The following APOBEC3D variants were observed in gnomAD, a reference collection of about 807,000 sequenced individuals.
The protein encoded by APOBEC3D is DNA dC->dU-editing enzyme APOBEC-3D.
A neutral mutation model predicts 45.6 loss-of-function variants in APOBEC3D; 37 were observed. The ratio of observed to expected loss-of-function variants is 0.81; its 90% CI spans 0.62 to 1.07. The LOEUF (loss-of-function observed/expected upper bound fraction) is 1.07. Among genes scored for constraint, APOBEC3D ranks in the 50% least tolerant of loss-of-function variants. The pLI is 0.00. For missense variants in APOBEC3D, 496 were observed against 495.3 expected, an observed-to-expected ratio of 1.00 and a Z score of -0.01; for synonymous variants, 175 against 180.7, an observed-to-expected ratio of 0.97 and a Z score of 0.25.
chr22:39,022,482 T>C (rs1260447132), intron 1 of APOBEC3D, among the ~76,000 whole-genome samples: 1 of 152,262 alleles, frequency 6.6e-6, no homozygotes, highest in African/African-American at 2.4e-5. Flanking sequence ...GCTGAAAGGT[T>C]AAAAGCTATC....
At chr22:39,031,145 A>T (rs5757431) in intron 5 of APOBEC3D, among the ~76,000 whole-genome samples, 71,672 of 151,876 alleles carry the variant, frequency 0.47, 17,931 homozygotes, top group East Asian at 0.68. Context: ...CCGCCTGTGC[A>T]ACAGAGCAAG....
intron 1 of APOBEC3D, among the ~76,000 whole-genome samples, chr22:39,021,998 G>A (rs1925162061): frequency 6.6e-6 from 1 of 152,202 alleles, no homozygotes; most frequent in South Asian, 2.1e-4. Flanking sequence ...GGTCTCTGAA[G>A]CACAAGATAA....
chr22:39,029,553 G>T, intron 5 of APOBEC3D, 34 bp downstream of exon 5: 1 of 1,611,782 alleles, frequency 6.2e-7, no homozygotes, highest in East Asian at 2.2e-5. Flanking sequence ...CCCTAAATAG[G>T]AGCTAAGCAG....
chr22:39,032,065 C>A, intron 6 of APOBEC3D, 92 bp downstream of exon 6: 1 of 1,588,340 alleles, frequency 6.3e-7, no homozygotes, highest in Non-Finnish European at 8.6e-7. Flanking sequence ...GCAGTGTCCC[C>A]GGGAAGCCTG....
intron 4 of APOBEC3D, among the ~76,000 whole-genome samples, chr22:39,027,770 T>C (rs1925821047): frequency 6.6e-6 from 1 of 152,138 alleles, no homozygotes; most frequent in Non-Finnish European, 1.5e-5. Flanking sequence ...GTTCCTCTGC[T>C]GCTCCCACTA....
chr22:39,031,874 T>C lies in APOBEC3D; in HGVS notation c.943T>C (p.Phe315Leu). The C allele has an allele frequency of 6.2e-7, 1 of 1,614,198 alleles. No individual in the cohort carries two copies. The highest frequency in any genetic ancestry group is 8.5e-7 in the Non-Finnish European group (1 of 1,180,032). The change falls in exon 6 of 7, where the codon TTC becomes CTC. Residue 315 changes from phenylalanine (F) to leucine (L), a missense_variant. Physicochemically the swap from Phe to Leu is conservative, Grantham distance 22. Coordinates refer to ENST00000216099, the MANE Select transcript of APOBEC3D (RefSeq NM_152426.4). ...ARHSNVNLTI[F>L]TARLCYFWDT... is the part of the protein sequence containing the mutation. The stretch of plus-strand genomic sequence containing the variant: ...GCACAGCAACGTGAATCTCACCATC[T>C]TCACCGCCCGCCTCTGCTACTTCTG...
At chr22:39,028,315 G>A (rs186508320) in intron 4 of APOBEC3D, among the ~76,000 whole-genome samples, 5 of 152,322 alleles carry the variant, frequency 3.3e-5, no homozygotes, top group Admixed American at 2.0e-4. Flanking sequence ...GCTCCCCACC[G>A]CAGGGCCTGC....
chr22:39,032,156 G>A (rs1464394676), intron 6 of APOBEC3D, 42 bp from the exon 7 acceptor site: 2 of 1,607,162 alleles, frequency 1.2e-6, no homozygotes, highest in Admixed American at 1.7e-5. Flanking sequence ...CGGGAGAGAG[G>A]CTTGCTGGGC....
At chr22:39,030,852 A>T (rs1010474391) in intron 5 of APOBEC3D, among the ~76,000 whole-genome samples, 2 of 152,226 alleles carry the variant, frequency 1.3e-5, no homozygotes, top group Admixed American at 1.3e-4. Context: ...ACTCAATAAA[A>T]TAAAGAAGGA....
intron 3 of APOBEC3D, 69 bp from the exon 4 acceptor site, chr22:39,025,488 A>T: frequency 1.2e-6 from 2 of 1,614,038 alleles, no homozygotes; most frequent in Admixed American, 3.3e-5. Context: ...GACAGCCAGG[A>T]GACCAGGCCT....
In APOBEC3D at chr22:39,021,421, G is replaced by A. The variant is rs1166194331; in HGVS notation, c.-99G>A. The stretch of plus-strand genomic sequence containing the variant: ...GTGCCCGGCCGGGAGGTCACTTTAA[G>A]GAGGGCTGTCCAACTGCAAGGAGCC... On this transcript the variant is annotated 5_prime_UTR_variant, in exon 1 of 7. Transcript: ENST00000216099. 6.3e-6 allele frequency: 10 copies of A among 1,581,314 alleles called. No homozygotes were observed. In the Admixed American group the frequency reaches 1.7e-4, roughly 27 times the overall value.
intron 5 of APOBEC3D, 44 bp from the exon 6 acceptor site, chr22:39,031,650 T>G: frequency 6.2e-7 from 1 of 1,607,456 alleles, no homozygotes. Flanking sequence ...CTCCTCCTGC[T>G]CCTGGTCTGA....
rs1211168608 is a variant in APOBEC3D, at chr22:39,022,805, C to G, written c.18-17C>G. 4 of 1,598,196 alleles carry G rather than the reference C, an allele frequency of 2.5e-6. No individual in the cohort carries two copies. The highest frequency in any genetic ancestry group is 3.4e-6 in the Non-Finnish European group (4 of 1,173,380). On this transcript the variant is annotated splice_polypyrimidine_tract_variant and intron_variant, in intron 1 of 6. Transcript: ENST00000216099. ...GAGGGCTCCCTGCATGGGCCGGTTTCTCTCTTGTGCCTTCAGAAATCCGAT... is the reference window on the plus strand; with the variant it reads ...GAGGGCTCCCTGCATGGGCCGGTTTGTCTCTTGTGCCTTCAGAAATCCGAT...
rs757469920 is a variant in APOBEC3D, at chr22:39,029,368, C to T, written c.611C>T (p.Pro204Leu). 3.7e-6 allele frequency: 6 copies of T among 1,614,102 alleles called. No individual in the cohort carries two copies. The highest frequency in any genetic ancestry group is 3.3e-5 in the South Asian group (3 of 91,064). ...TTTCTCTCTTGTGCCCTCAGAAACC[C>T]GATGGAGGCAATGTACCCACACATA... The part of the protein sequence containing the change: ...HRTLKEILRN[P>L]MEAMYPHIFY... Residue 204 changes from proline to leucine, a missense_variant, in exon 5 of 7, where the codon CCG becomes CTG. Coordinates refer to ENST00000216099, the MANE Select transcript of APOBEC3D (RefSeq NM_152426.4).
chr22:39,025,464 C>G, intron 3 of APOBEC3D, 93 bp from the exon 4 acceptor site: 1 of 1,613,868 alleles, frequency 6.2e-7, no homozygotes, highest in Non-Finnish European at 8.5e-7. Flanking sequence ...GTGGGGCTGG[C>G]ACTGATTGCA....
Position 39,022,992 on chromosome 22 carries a change from G to A in APOBEC3D, c.188G>A (p.Arg63His), listed in dbSNP as rs771281231. ...TTTCGAGGCCCGGTACTACCCAAAC[G>A]TCAGTCGAATCACAGGCAGGAGGTA... Reference protein sequence around the residue: ...GVFRGPVLPKRQSNHRQEVYF... With the variant: ...GVFRGPVLPKHQSNHRQEVYF... Residue 63 changes from arginine to histidine, a missense_variant, in exon 2 of 7, where the codon CGT becomes CAT. Transcript: ENST00000216099. The A allele has an allele frequency of 8.1e-6, 13 of 1,602,842 alleles. No individual in the cohort carries two copies. In the Admixed American group the frequency reaches 1.0e-4, roughly 13 times the overall value.
chr22:39,021,816 G>A (rs1473688235), intron 1 of APOBEC3D, among the ~76,000 whole-genome samples: 1 of 152,242 alleles, frequency 6.6e-6, no homozygotes. Context: ...CCTGCCCTGA[G>A]AGGGTGCTCC....
chr22:39,023,437 TTTTC>T (rs902511464), intron 2 of APOBEC3D, among the ~76,000 whole-genome samples: 2 of 146,322 alleles, frequency 1.4e-5, no homozygotes, highest in Non-Finnish European at 3.0e-5. Flanking sequence ...TTCTTTTTTC[TTTTC>T]TTTCTTTCTT....
At position 39,025,069 on chromosome 22, in the gene APOBEC3D, G is replaced by A. The variant is rs948633364; in HGVS notation, c.211-1G>A. On this transcript the variant is annotated splice_acceptor_variant, in intron 2 of 6. Coordinates refer to ENST00000216099, the MANE Select transcript of APOBEC3D (RefSeq NM_152426.4). LOFTEE classifies it high-confidence loss of function. ...TTCCCCTGCCCCTGCTCCTCTCCCA[G>A]GTGTATTTCCGGTTTGAGAACCACG... The A allele has an allele frequency of 7.6e-7, 1 of 1,324,208 alleles. No individual in the cohort carries two copies. Among genetic ancestry groups the A allele is most frequent in the African/African-American group, 1.5e-5 (1 of 64,698 alleles). 82.0% of individuals were successfully genotyped at this position (1,324,208 alleles called of 1,614,324 possible).
Sources: allele counts gnomAD v4.1 joint callset (sites outside exome capture counted in the v4.1 genomes callset), GRCh38; gene constraint gnomAD v4.1.1; transcripts MANE v1.5; gene names NCBI Gene and HGNC (gene_info 2026-07-23, HGNC 2026-07-21).